Variants in PCDH9 observed in about 807,000 individuals in gnomAD.
PCDH9 encodes protocadherin-9.
Under a neutral mutation model 70.6 loss-of-function variants are expected in PCDH9, and 24 were observed. The ratio of observed to expected loss-of-function variants is 0.34; its 90% confidence interval spans 0.25 to 0.48. The LOEUF is 0.48. Among genes scored for constraint, PCDH9 ranks in the 20% least tolerant of loss-of-function variants. PCDH9 has a pLI of 0.99. For missense variants in PCDH9, 1,281 were observed against 1,503.6 expected, an observed-to-expected ratio of 0.85 and a Z score of 2.45; for synonymous variants, 562 against 558.5, an observed-to-expected ratio of 1.01 and a Z score of -0.09.
chr13:66,619,624 C>T (rs571287581), intron 4 of PCDH9, among the ~76,000 whole-genome samples: 8 of 152,192 alleles, frequency 5.3e-5, no homozygotes, highest in Non-Finnish European at 1.2e-4. Context: ...TAAATTAAGC[C>T]TGCATTATAT....
intron 4 of PCDH9, among the ~76,000 whole-genome samples, chr13:66,583,825 T>G (rs1473692736): frequency 6.6e-6 from 1 of 152,196 alleles, no homozygotes; most frequent in Non-Finnish European, 1.5e-5. Flanking sequence ...TATAACTTCT[T>G]GCTAACTGTT....
intron 3 of PCDH9, among the ~76,000 whole-genome samples, chr13:66,713,572 CAT>C (rs897827313): frequency 1.4e-5 from 2 of 138,934 alleles, no homozygotes; most frequent in African/African-American, 5.4e-5. Flanking sequence ...AGCCTAATTA[CAT>C]ATATATATAT....
intron 4 of PCDH9, among the ~76,000 whole-genome samples, chr13:66,420,772 C>T (rs1957552625): frequency 6.6e-6 from 1 of 152,068 alleles, no homozygotes; most frequent in Non-Finnish European, 1.5e-5. Context: ...AGAATACCTC[C>T]TCTCCTCCAA....
intron 3 of PCDH9, among the ~76,000 whole-genome samples, chr13:66,867,909 G>A (rs2081604999): frequency 6.6e-6 from 1 of 151,744 alleles, no homozygotes; most frequent in Non-Finnish European, 1.5e-5. Flanking sequence ...GTAAGTTGAT[G>A]GGCAAATTAA....
intron 2 of PCDH9, among the ~76,000 whole-genome samples, chr13:66,980,731 T>TTG (rs1333469789): frequency 2.0e-4 from 6 of 29,414 alleles, no homozygotes; most frequent in Non-Finnish European, 3.1e-4. Context: ...TTTTTCTTTG[T>TTG]TTTTTTTTTT....
At chr13:66,449,934 T>C (rs554855486) in intron 4 of PCDH9, among the ~76,000 whole-genome samples, 1 of 152,324 alleles carries the variant, frequency 6.6e-6, no homozygotes, top group South Asian at 2.1e-4. Flanking sequence ...ATATACATAT[T>C]TTATCAATTA....
At chr13:67,068,742 T>C (rs552371470) in intron 2 of PCDH9, among the ~76,000 whole-genome samples, 1 of 152,262 alleles carries the variant, frequency 6.6e-6, no homozygotes, top group African/African-American at 2.4e-5. Context: ...TAACCCTTTT[T>C]CAAACATTTG....
intron 4 of PCDH9, among the ~76,000 whole-genome samples, chr13:66,477,931 C>G (rs145753613): frequency 2.2e-3 from 331 of 152,242 alleles, no homozygotes; most frequent in African/African-American, 7.7e-3. Context: ...TACAGGCATA[C>G]CTCTTTTTAT....
At chr13:67,229,219 C>A (rs1051385970) in intron 1 of PCDH9, among the ~76,000 whole-genome samples, 7 of 152,228 alleles carry the variant, frequency 4.6e-5, no homozygotes, top group Admixed American at 2.0e-4. Flanking sequence ...ACAGCTTGCT[C>A]TCCTTTCTCC....
chr13:67,189,374 T>C (rs959902954), intron 2 of PCDH9, among the ~76,000 whole-genome samples: 1 of 152,098 alleles, frequency 6.6e-6, no homozygotes, highest in Non-Finnish European at 1.5e-5. Flanking sequence ...AATTATATGA[T>C]AGTCACTGTA....
At chr13:66,781,350 T>A (rs1163617424) in intron 3 of PCDH9, among the ~76,000 whole-genome samples, 1 of 152,166 alleles carries the variant, frequency 6.6e-6, no homozygotes, top group East Asian at 1.9e-4. Context: ...AAAACATGGA[T>A]TTAATCCAAT....
chr13:66,521,887 T>C (rs1960006153), intron 4 of PCDH9, among the ~76,000 whole-genome samples: 1 of 151,982 alleles, frequency 6.6e-6, no homozygotes, highest in South Asian at 2.1e-4. Context: ...TGTTTGTGTG[T>C]GCATATATAT....
Position 66,630,808 on chromosome 13 carries a change from C to T in PCDH9, c.3340+402G>A, listed in dbSNP as rs117437655. On this transcript the variant is annotated intron_variant, in intron 4 of 4. Coordinates refer to ENST00000377865, the MANE Select transcript of PCDH9 (RefSeq NM_203487.3). Reference sequence around the variant, plus strand: ...TTTATTTGTTTTTGTAAAGTGTTCACTGGAAAATCAAATTTCATAGGACAT... The same window carrying T: ...TTTATTTGTTTTTGTAAAGTGTTCATTGGAAAATCAAATTTCATAGGACAT... The T allele has an allele frequency of 4.2e-3, 643 of 153,574 alleles. 20 individuals are homozygous for T. The East Asian group carries it at 0.081, about 19-fold the overall frequency. The allele number at this position is 153,574 out of a possible 1,614,324, so 9.5% of individuals were successfully genotyped here. A position where few individuals can be genotyped will look rare whatever the true frequency, so the allele number is the denominator to read the frequency against.
chr13:67,154,587 A>C (rs2087751069), intron 2 of PCDH9, among the ~76,000 whole-genome samples: 2 of 90,580 alleles, frequency 2.2e-5, no homozygotes, highest in African/African-American at 4.5e-5. Context: ...AAAAAAAAAA[A>C]AAAAAAAAAT....
At chr13:67,106,386 A>C (rs1238352198) in intron 2 of PCDH9, among the ~76,000 whole-genome samples, 1 of 152,366 alleles carries the variant, frequency 6.6e-6, no homozygotes, top group Non-Finnish European at 1.5e-5. Context: ...GGTTATCTTA[A>C]GCTTAACTGT....
chr13:66,771,677 A>G (rs948336614), intron 3 of PCDH9, among the ~76,000 whole-genome samples: 1 of 152,240 alleles, frequency 6.6e-6, no homozygotes, highest in African/African-American at 2.4e-5. Context: ...TCAGTTGTGC[A>G]GTCAACTCGA....
intron 2 of PCDH9, among the ~76,000 whole-genome samples, chr13:67,175,122 A>G (rs1236075921): frequency 6.6e-6 from 1 of 152,028 alleles, no homozygotes; most frequent in African/African-American, 2.4e-5. Context: ...GGTGACAGAA[A>G]GAGATCCTGT....
intron 4 of PCDH9, among the ~76,000 whole-genome samples, chr13:66,630,398 G>T (rs1317263496): frequency 3.9e-5 from 6 of 152,100 alleles, no homozygotes; most frequent in Admixed American, 3.9e-4. Context: ...TGATGAAATG[G>T]TCTTTTATTT....
chr13:66,444,673 GTC>G (rs1958037755), intron 4 of PCDH9, among the ~76,000 whole-genome samples: 1 of 152,062 alleles, frequency 6.6e-6, no homozygotes, highest in African/African-American at 2.4e-5. Context: ...CGATTCTCCT[GTC>G]TCAGTCTCCC....
Sources: gnomAD v4.1 joint callset for allele counts (sites outside exome capture counted in the v4.1 genomes callset) on GRCh38, gnomAD v4.1.1 for gene constraint, MANE v1.5 for transcripts, NCBI Gene and HGNC (gene_info 2026-07-23, HGNC 2026-07-21) for gene names.